CDK15: variants seen among roughly 807,000 people sequenced by gnomAD.
CDK15 encodes the protein cyclin dependent kinase 15.
A neutral mutation model predicts 60.3 loss-of-function variants in CDK15; 62 were observed. The observed-to-expected ratio is 1.03, with a 90% CI of 0.84 to 1.27. The LOEUF is 1.27. Among genes scored for constraint, CDK15 ranks in the 50% most tolerant of loss-of-function variants. CDK15 has a pLI of 0.00. For missense variants in CDK15, 541 were observed against 527.8 expected, an observed-to-expected ratio of 1.03 and a Z score of -0.25; for synonymous variants, 194 against 195.7, an observed-to-expected ratio of 0.99 and a Z score of 0.07.
chr2:201,854,385 T>C (rs1433516669), intron 9 of CDK15, among the ~76,000 whole-genome samples: 1 of 152,184 alleles, frequency 6.6e-6, no homozygotes, highest in Non-Finnish European at 1.5e-5. Flanking sequence ...AGCTCAGTAA[T>C]CTGAATCCTT....
At chr2:201,868,092 G>A (rs1366660017) in intron 10 of CDK15, among the ~76,000 whole-genome samples, 1 of 152,148 alleles carries the variant, frequency 6.6e-6, no homozygotes, top group East Asian at 1.9e-4. Flanking sequence ...AGACTTAGAG[G>A]AACTGGGGCT....
chr2:201,858,043 T>C (rs1335349208), intron 10 of CDK15, among the ~76,000 whole-genome samples: 1 of 152,204 alleles, frequency 6.6e-6, no homozygotes. Flanking sequence ...AGTACAATTT[T>C]GAGGGAGTCC....
chr2:201,862,202 C>A (rs958037588), intron 10 of CDK15, among the ~76,000 whole-genome samples: 1 of 152,204 alleles, frequency 6.6e-6, no homozygotes, highest in East Asian at 1.9e-4. Context: ...ACCCACAGGG[C>A]CTTTCCCTGG....
At chr2:201,842,433 C>T (rs545939222) in intron 8 of CDK15, among the ~76,000 whole-genome samples, 6 of 152,306 alleles carry the variant, frequency 3.9e-5, no homozygotes, top group African/African-American at 1.4e-4. Context: ...TTTACTGTCA[C>T]ATTTCTCGCT....
intron 10 of CDK15, among the ~76,000 whole-genome samples, chr2:201,857,232 C>CAAAAAAAAAAAAAAAAAA (rs567723960): frequency 0.011 from 15 of 1,414 alleles, 3 homozygotes; most frequent in Non-Finnish European, 0.012. Flanking sequence ...GACTCCGTCT[C>CAAAAAAAAAAAAAAAAAA]AAAAAAAAAA....
chr2:201,872,328 T>G lies in CDK15; in HGVS notation c.1058+2T>G, dbSNP rs1010032423. On this transcript the variant is annotated splice_donor_variant, in intron 11 of 13. Transcript: ENST00000652192. LOFTEE classifies it high-confidence loss of function. ...AAGCCTTCATGTTGTCTGGAACAGG[T>G]GAGTACTACCTCAGGAAGGGATCTT... 2.9e-5 allele frequency: 46 copies of G among 1,613,720 alleles called. No individual in the cohort carries two copies. Among genetic ancestry groups the G allele is most frequent in the Non-Finnish European group, 3.6e-5 (42 of 1,179,786 alleles).
intron 12 of CDK15, chr2:201,889,196 T>C: frequency 1.0e-5 from 10 of 985,420 alleles, no homozygotes; most frequent in Non-Finnish European, 1.2e-5. Flanking sequence ...ATTTAAGGCA[T>C]TTTATGCTTT....
chr2:201,846,267 T>A (rs772475244), intron 8 of CDK15, among the ~76,000 whole-genome samples: 1 of 151,996 alleles, frequency 6.6e-6, no homozygotes, highest in Non-Finnish European at 1.5e-5. Context: ...CTGAGGTGGG[T>A]GGATCACTTG....
intron 10 of CDK15, among the ~76,000 whole-genome samples, chr2:201,856,990 G>A (rs1309391276): frequency 2.0e-5 from 1 of 49,596 alleles, no homozygotes; most frequent in Non-Finnish European, 3.6e-5. Context: ...TTGGGAGGCC[G>A]AGGCGGGTGG....
chr2:201,846,407 C>T (rs1574894980), intron 8 of CDK15, among the ~76,000 whole-genome samples: 1 of 151,558 alleles, frequency 6.6e-6, no homozygotes, highest in African/African-American at 2.4e-5. Flanking sequence ...TCAGGAGAAT[C>T]GCTTGAACCT....
chr2:201,864,032 ACTT>A (rs1698509627), intron 10 of CDK15, among the ~76,000 whole-genome samples: 1 of 152,188 alleles, frequency 6.6e-6, no homozygotes, highest in East Asian at 1.9e-4. Flanking sequence ...CCAACCATCT[ACTT>A]CTTATTTATT....
In CDK15 at chr2:201,812,573, C is replaced by T; in HGVS notation, c.448+11C>T. The T allele has an allele frequency of 6.3e-7, 1 of 1,587,688 alleles. No individual in the cohort carries two copies. Among genetic ancestry groups the T allele is most frequent in the Non-Finnish European group, 8.6e-7 (1 of 1,156,914 alleles). Reference sequence around the variant, plus strand: ...CAGCTATCCGAGAAGGTAAGAACAGCAGAAATGGACCCAATAGATCTGTTT... The same window carrying T: ...CAGCTATCCGAGAAGGTAAGAACAGTAGAAATGGACCCAATAGATCTGTTT... On this transcript the variant is annotated intron_variant, in intron 4 of 13. Coordinates refer to ENST00000652192, the MANE Select transcript of CDK15 (RefSeq NM_001366386.2).
chr2:201,835,612 G>T, intron 7 of CDK15, 31 bp from the exon 8 acceptor site: 1 of 1,565,438 alleles, frequency 6.4e-7, no homozygotes, highest in Non-Finnish European at 8.7e-7. Flanking sequence ...GGTCCAGAAC[G>T]ATGGGTTTTA....
At chr2:201,823,295 T>C (rs539275103) in intron 5 of CDK15, among the ~76,000 whole-genome samples, 14 of 152,346 alleles carry the variant, frequency 9.2e-5, no homozygotes, top group Admixed American at 6.5e-4. Flanking sequence ...ATAACTCATG[T>C]TGTATTTTTG....
At chr2:201,826,435 G>A (rs1696500430) in intron 6 of CDK15, among the ~76,000 whole-genome samples, 1 of 130,402 alleles carries the variant, frequency 7.7e-6, no homozygotes, top group Admixed American at 9.7e-5. Flanking sequence ...CTCCAGCCTG[G>A]GCGACAGAGT....
In CDK15 at chr2:201,880,036, G is replaced by A; in HGVS notation, c.1067G>A (p.Arg356Lys). The A allele has an allele frequency of 6.2e-7, 1 of 1,613,910 alleles. No individual in the cohort carries two copies. Among genetic ancestry groups the A allele is most frequent in the Non-Finnish European group, 8.5e-7 (1 of 1,179,888 alleles). The change falls in exon 12 of 14, where the codon AGG (arginine) becomes AAG (lysine). Residue 356 changes from arginine (R) to lysine (K), a missense_variant. Physicochemically the swap from Arg to Lys is conservative, Grantham distance 26 (BLOSUM62 2). Transcript: ENST00000652192. Reference protein sequence around the residue: ...SLHVVWNRLGRVPEAEDLASQ... With the variant: ...SLHVVWNRLGKVPEAEDLASQ... ...CTCTCCCACTTTTCCAGGCTGGGCA[G>A]GGTTCCTGAAGCTGAAGACCTGGCC...
intron 8 of CDK15, among the ~76,000 whole-genome samples, chr2:201,838,287 G>T (rs1236155018): frequency 6.6e-6 from 1 of 152,080 alleles, no homozygotes; most frequent in Non-Finnish European, 1.5e-5. Context: ...GGCATCTAGT[G>T]GGTAGAGACC....
intron 3 of CDK15, chr2:201,808,580 G>A (rs896037645): frequency 1.4e-5 from 2 of 142,796 alleles, no homozygotes; most frequent in Non-Finnish European, 3.1e-5. Flanking sequence ...TCCCCTTTTA[G>A]TCAAGGTGGG....
At chr2:201,826,934 A>C (rs1423640043) in intron 6 of CDK15, among the ~76,000 whole-genome samples, 8 of 152,222 alleles carry the variant, frequency 5.3e-5, no homozygotes, top group African/African-American at 1.9e-4. Context: ...TTTGCAGAGG[A>C]GAAATCCAAG....
Sources: gnomAD v4.1 joint callset for allele counts (sites outside exome capture counted in the v4.1 genomes callset) on GRCh38, gnomAD v4.1.1 for gene constraint, MANE v1.5 for transcripts, NCBI Gene and HGNC (gene_info 2026-07-23, HGNC 2026-07-21) for gene names.